Variants in STT3B observed in about 807,000 individuals in gnomAD.
STT3B encodes dolichyl-diphosphooligosaccharide--protein glycosyltransferase subunit STT3B.
In STT3B, 29 loss-of-function variants were observed where a neutral mutation model predicts 96.8. That is an observed-to-expected ratio of 0.30 (90% CI 0.22 to 0.41). The LOEUF (loss-of-function observed/expected upper bound fraction) is 0.41, where lower values mean the gene tolerates loss of function less well. STT3B is among the 10% of genes least tolerant of loss of function. STT3B has a pLI of 1.00. For missense variants in STT3B, 640 were observed against 1,022.3 expected (o/e 0.63, Z 5.10); for synonymous variants, 367 against 360.0 (o/e 1.02, Z -0.22).
At chr3:31,613,102 T>C (rs1488601678) in intron 5 of STT3B, among the ~76,000 whole-genome samples, 1 of 152,128 alleles carries the variant, frequency 6.6e-6, no homozygotes, top group African/African-American at 2.4e-5. Flanking sequence ...GGTTTTGTTT[T>C]GGGGTAATGA....
At chr3:31,608,293 G>A (rs1379239875) in intron 5 of STT3B, among the ~76,000 whole-genome samples, 2 of 152,318 alleles carry the variant, frequency 1.3e-5, no homozygotes, top group Non-Finnish European at 2.9e-5. Flanking sequence ...CAAGATGAGT[G>A]TTGTAACAGG....
intron 5 of STT3B, among the ~76,000 whole-genome samples, chr3:31,609,863 A>C (rs1019346494): frequency 6.6e-6 from 1 of 152,154 alleles, no homozygotes; most frequent in Non-Finnish European, 1.5e-5. Context: ...ACACCCGGCC[A>C]CACTTGCTGT....
chr3:31,570,952 T>A (rs1698121353), intron 1 of STT3B, among the ~76,000 whole-genome samples: 1 of 151,794 alleles, frequency 6.6e-6, no homozygotes, highest in Admixed American at 6.6e-5. Context: ...AAATGGAGGG[T>A]AGGGATTCTT....
intron 3 of STT3B, among the ~76,000 whole-genome samples, chr3:31,593,537 C>CT (rs2125459723): frequency 6.6e-6 from 1 of 152,178 alleles, no homozygotes; most frequent in East Asian, 1.9e-4. Context: ...TTTTATCTGT[C>CT]TGTCTTTGTA....
intron 3 of STT3B, among the ~76,000 whole-genome samples, chr3:31,583,935 A>G (rs1344854612): frequency 6.6e-6 from 1 of 152,076 alleles, no homozygotes; most frequent in African/African-American, 2.4e-5. Context: ...AAGTCTAATT[A>G]ATTTTTGTTG....
At chr3:31,572,624 G>A (rs1575420681) in intron 1 of STT3B, among the ~76,000 whole-genome samples, 1 of 152,298 alleles carries the variant, frequency 6.6e-6, no homozygotes, top group Middle Eastern at 3.4e-3. Flanking sequence ...CACTTTGAGA[G>A]GCTGAAGTGA....
At chr3:31,580,166 C>A (rs1351871112) in intron 3 of STT3B, 70 bp downstream of exon 3, 2 of 1,473,676 alleles carry the variant, frequency 1.4e-6, no homozygotes, top group Non-Finnish European at 1.8e-6. Flanking sequence ...TTAGGCTGTA[C>A]GCAGATTTGT....
intron 1 of STT3B, among the ~76,000 whole-genome samples, chr3:31,535,269 T>C (rs1697058781): frequency 6.6e-6 from 1 of 151,992 alleles, no homozygotes; most frequent in Admixed American, 6.5e-5. Flanking sequence ...AATTGAGTAA[T>C]GCAATAATGA....
intron 1 of STT3B, among the ~76,000 whole-genome samples, chr3:31,565,563 G>A (rs550485076): frequency 6.6e-6 from 1 of 152,310 alleles, no homozygotes; most frequent in South Asian, 2.1e-4. Flanking sequence ...GATTGACAGT[G>A]GTTGAATTGG....
chr3:31,629,661 G>C (rs1163130062), intron 14 of STT3B, among the ~76,000 whole-genome samples: 1 of 152,064 alleles, frequency 6.6e-6, no homozygotes, highest in Non-Finnish European at 1.5e-5. Context: ...ATCTTTGCTT[G>C]CCATCTCACC....
intron 5 of STT3B, among the ~76,000 whole-genome samples, chr3:31,607,441 C>T (rs941423251): frequency 6.6e-6 from 1 of 152,136 alleles, no homozygotes; most frequent in Non-Finnish European, 1.5e-5. Context: ...CCATACTGTT[C>T]TCCTGGTGGT....
At chr3:31,575,655 C>T (rs1443605695) in intron 1 of STT3B, among the ~76,000 whole-genome samples, 1 of 152,018 alleles carries the variant, frequency 6.6e-6, no homozygotes, top group Non-Finnish European at 1.5e-5. Context: ...ACTCACTTGT[C>T]TATGTGTAGT....
At chr3:31,607,460 ACT>A (rs1241634565) in intron 5 of STT3B, among the ~76,000 whole-genome samples, 2 of 151,810 alleles carry the variant, frequency 1.3e-5, no homozygotes, top group African/African-American at 2.4e-5. Flanking sequence ...GTGCATAATA[ACT>A]CTCACAAGAT....
At chr3:31,541,472 G>GTTTTTTTT (rs1302731899) in intron 1 of STT3B, among the ~76,000 whole-genome samples, 1 of 106,942 alleles carries the variant, frequency 9.4e-6, no homozygotes, top group African/African-American at 3.4e-5. Flanking sequence ...TTCTTTTTTT[G>GTTTTTTTT]TTTTTTTTTT....
At chr3:31,560,385 G>A (rs1259940610) in intron 1 of STT3B, among the ~76,000 whole-genome samples, 1 of 151,916 alleles carries the variant, frequency 6.6e-6, no homozygotes, top group Non-Finnish European at 1.5e-5. Flanking sequence ...CATGGTAGTA[G>A]ATATTGTCCT....
At chr3:31,613,496 C>A (rs1429674838) in intron 5 of STT3B, among the ~76,000 whole-genome samples, 2 of 151,956 alleles carry the variant, frequency 1.3e-5, no homozygotes, top group African/African-American at 4.8e-5. Flanking sequence ...ATCTGAAAGG[C>A]CTGTTGATCA....
At chr3:31,558,029 C>T (rs57328442) in intron 1 of STT3B, among the ~76,000 whole-genome samples, 14 of 152,292 alleles carry the variant, frequency 9.2e-5, no homozygotes, top group African/African-American at 3.4e-4. Context: ...ATGTCGATTT[C>T]GTATCCTGCA....
intron 3 of STT3B, among the ~76,000 whole-genome samples, chr3:31,593,315 C>T (rs1698707812): frequency 6.6e-6 from 1 of 152,028 alleles, no homozygotes; most frequent in Non-Finnish European, 1.5e-5. Context: ...TTTTCTGATG[C>T]AAAGTCAATC....
intron 3 of STT3B, among the ~76,000 whole-genome samples, chr3:31,585,003 T>C (rs1007682562): frequency 2.6e-5 from 4 of 152,174 alleles, no homozygotes; most frequent in Non-Finnish European, 5.9e-5. Context: ...AAAACATTTT[T>C]TGTAATCTCT....
Sources: allele counts gnomAD v4.1 joint callset (sites outside exome capture counted in the v4.1 genomes callset), GRCh38; gene constraint gnomAD v4.1.1; transcripts MANE v1.5; gene names NCBI Gene and HGNC (gene_info 2026-07-23, HGNC 2026-07-21).